Variants in VGLL4 observed in about 807,000 individuals in gnomAD.
VGLL4 encodes the protein transcription cofactor vestigial-like protein 4.
In VGLL4, 7 loss-of-function variants were observed where a neutral mutation model predicts 21.0. The ratio of observed to expected loss-of-function variants is 0.33; its 90% CI spans 0.19 to 0.63. The LOEUF is 0.63. Among genes scored for constraint, VGLL4 ranks in the 20% least tolerant of loss-of-function variants. VGLL4 has a pLI of 0.78. For synonymous variants in VGLL4, 222 were observed against 173.2 expected (o/e 1.28, Z -2.21); for missense variants, 394 against 425.7 (o/e 0.93, Z 0.66).
rs1379669683 is a variant in VGLL4, at chr3:11,568,414, C to T, written c.273-3395G>A. Among the ~76,000 whole-genome samples the T allele has an allele frequency of 6.6e-6, 1 of 152,194 alleles. No homozygotes were observed. On this transcript the variant is annotated intron_variant, in intron 2 of 4. Coordinates refer to ENST00000430365, the MANE Select transcript of VGLL4 (RefSeq NM_001128219.3). This position sits in a 1 kb window ranked among gnomAD's most constrained non-coding sequence, Gnocchi z 5.9. ...GCACCTAAATCTGCCATCTATGCTC[C>T]CACAGCCCCACTGTGCGCCCACCCT...
chr3:11,676,492 T>C (rs1466835824), intron 2 of VGLL4, among the ~76,000 whole-genome samples: 2 of 151,162 alleles, frequency 1.3e-5, no homozygotes, highest in African/African-American at 2.4e-5. Context: ...TAAAGAAATA[T>C]AAAAGAACAT....
intron 1 of VGLL4, among the ~76,000 whole-genome samples, chr3:11,605,699 A>G (rs892935): frequency 0.93 from 141,212 of 152,184 alleles, 65,637 homozygotes; most frequent in Non-Finnish European, 0.95. Flanking sequence ...TGCTCCTGGA[A>G]GCAGGTGGCA....
chr3:11,691,384 T>C (rs902756535), intron 2 of VGLL4, among the ~76,000 whole-genome samples: 27 of 151,994 alleles, frequency 1.8e-4, no homozygotes, highest in African/African-American at 4.8e-5. Flanking sequence ...AGCCCCACAT[T>C]CCTATGGGAA....
chr3:11,632,743 T>C (rs1372313723), intron 1 of VGLL4, among the ~76,000 whole-genome samples: 2 of 152,236 alleles, frequency 1.3e-5, no homozygotes, highest in East Asian at 3.8e-4. Context: ...CCTGTAATTA[T>C]CTTCTTTATT....
At chr3:11,655,578 G>A (rs2075945377) in intron 2 of VGLL4, among the ~76,000 whole-genome samples, 1 of 152,218 alleles carries the variant, frequency 6.6e-6, no homozygotes, top group Non-Finnish European at 1.5e-5. Context: ...GACTTGAAAT[G>A]GATAAACCTA....
intron 1 of VGLL4, among the ~76,000 whole-genome samples, chr3:11,632,391 C>A (rs184731492): frequency 6.6e-6 from 1 of 152,112 alleles, no homozygotes; most frequent in African/African-American, 2.4e-5. Flanking sequence ...AGACCCAAGA[C>A]GAACCATTTC....
chr3:11,591,106 C>T (rs1234937716), intron 2 of VGLL4, among the ~76,000 whole-genome samples: 2 of 152,118 alleles, frequency 1.3e-5, no homozygotes, highest in African/African-American at 4.8e-5. Flanking sequence ...AGCATCTTCG[C>T]GAAGACAGCA....
intron 1 of VGLL4, among the ~76,000 whole-genome samples, chr3:11,710,960 CG>C (rs2076833706): frequency 6.6e-6 from 1 of 151,806 alleles, no homozygotes; most frequent in Admixed American, 6.6e-5. Context: ...ATTAGCTGGG[CG>C]TGGTGGTGAG....
At chr3:11,696,064 C>A (rs752612468) in intron 2 of VGLL4, among the ~76,000 whole-genome samples, 18 of 152,188 alleles carry the variant, frequency 1.2e-4, no homozygotes, top group Non-Finnish European at 2.4e-4. Context: ...AACTGCATTT[C>A]CCGTTTGGGC....
At chr3:11,597,434 A>C (rs1248725777) in intron 2 of VGLL4, among the ~76,000 whole-genome samples, 4 of 152,184 alleles carry the variant, frequency 2.6e-5, no homozygotes, top group Admixed American at 2.6e-4. Flanking sequence ...CCAACCCAAC[A>C]GTGTCATGGA....
rs960974645 is a variant in VGLL4, at chr3:11,565,260, C to T, written c.273-241G>A. Among the ~76,000 whole-genome samples the T allele has an allele frequency of 7.9e-5, 12 of 152,048 alleles. No individual in the cohort carries two copies. Among genetic ancestry groups the T allele is most frequent in the African/African-American group, 1.9e-4 (8 of 41,374 alleles). On this transcript the variant is annotated intron_variant, in intron 2 of 4. Transcript: ENST00000430365. The surrounding 1 kb of genome is among the most constrained non-coding windows in gnomAD (Gnocchi z 4.1). ...TCAGCTCCATAGAAGATGGAGCCCC[C>T]GACTCAGTGGCGTCCTCTGCCTGAC...
intron 2 of VGLL4, among the ~76,000 whole-genome samples, chr3:11,677,212 T>C (rs1014199852): frequency 6.6e-6 from 1 of 152,162 alleles, no homozygotes; most frequent in African/African-American, 2.4e-5. Flanking sequence ...GTGTGCCAAC[T>C]GGTACTCCCA....
At chr3:11,625,062 G>A (rs748760902) in intron 1 of VGLL4, among the ~76,000 whole-genome samples, 7 of 152,180 alleles carry the variant, frequency 4.6e-5, no homozygotes, top group Non-Finnish European at 7.3e-5. Context: ...ATTTGCAAAA[G>A]AAGAACTAAG....
In VGLL4 at chr3:11,568,479, A is replaced by G. The variant is rs2073635626; in HGVS notation, c.273-3460T>C. 3 of 1,336,406 alleles carry G rather than the reference A, an allele frequency of 2.2e-6. No individual in the cohort carries two copies. The East Asian group carries it at 7.6e-5, about 34-fold the overall frequency. The allele number at this position is 1,336,406 out of a possible 1,614,324, so 82.8% of individuals were successfully genotyped here. ...GGAGAAGGGGACTTCCAGGCCCACT[A>G]ACTGGAAAGACAGTCCGTGGAACAC... On this transcript the variant is annotated intron_variant, in intron 2 of 4. Coordinates refer to ENST00000430365, the MANE Select transcript of VGLL4 (RefSeq NM_001128219.3). The surrounding 1 kb of genome is among the most constrained non-coding windows in gnomAD (Gnocchi z 5.9).
At chr3:11,631,012 G>A (rs993336487) in intron 1 of VGLL4, among the ~76,000 whole-genome samples, 1 of 152,232 alleles carries the variant, frequency 6.6e-6, no homozygotes, top group Non-Finnish European at 1.5e-5. Context: ...AAGTTTAGAA[G>A]AGATGAGCAA....
chr3:11,566,663 C>T (rs2073545875), intron 2 of VGLL4, among the ~76,000 whole-genome samples: 1 of 152,168 alleles, frequency 6.6e-6, no homozygotes, highest in Non-Finnish European at 1.5e-5. Flanking sequence ...TGTGTACACG[C>T]GGTGCCGCTC....
intron 2 of VGLL4, among the ~76,000 whole-genome samples, chr3:11,668,564 T>A (rs910959256): frequency 5.3e-5 from 8 of 152,278 alleles, no homozygotes; most frequent in African/African-American, 1.9e-4. Flanking sequence ...GACAGGCCTA[T>A]CCCATGGCCA....
intron 2 of VGLL4, among the ~76,000 whole-genome samples, chr3:11,677,311 G>A (rs933155219): frequency 2.0e-5 from 3 of 150,716 alleles, no homozygotes; most frequent in African/African-American, 2.4e-5. Flanking sequence ...TCACGCTGTC[G>A]TCCAGGCTGG....
intron 2 of VGLL4, among the ~76,000 whole-genome samples, chr3:11,677,765 C>T (rs1283839720): frequency 2.6e-5 from 4 of 151,864 alleles, no homozygotes; most frequent in African/African-American, 9.7e-5. Flanking sequence ...ATTAGCCAGG[C>T]GTGGTGGCAT....
Sources: allele counts gnomAD v4.1 joint callset (sites outside exome capture counted in the v4.1 genomes callset), GRCh38; gene constraint gnomAD v4.1.1; non-coding constraint Gnocchi (gnomAD v3.1); transcripts MANE v1.5; gene names NCBI Gene and HGNC (gene_info 2026-07-23, HGNC 2026-07-21).